CHN2: variants seen among roughly 807,000 people sequenced by gnomAD.
CHN2 encodes the protein chimerin 2, also known as beta-chimaerin.
A neutral mutation model predicts 56.3 loss-of-function variants in CHN2; 35 were observed. The observed-to-expected ratio is 0.62, with a 90% CI of 0.47 to 0.82. The LOEUF is 0.82. Among genes scored for constraint, CHN2 ranks in the 40% least tolerant of loss-of-function variants. The pLI is 0.00. For missense variants in CHN2, 491 were observed against 580.5 expected, an observed-to-expected ratio of 0.85 and a Z score of 1.58; for synonymous variants, 210 against 212.8, an observed-to-expected ratio of 0.99 and a Z score of 0.12.
intron 6 of CHN2, among the ~76,000 whole-genome samples, chr7:29,439,283 CT>C (rs2128122278): frequency 6.6e-6 from 1 of 152,290 alleles, no homozygotes; most frequent in South Asian, 2.1e-4. Context: ...GGGACTTAAT[CT>C]TTTTCAGCCT....
chr7:29,386,186 A>G (rs1412019611), intron 3 of CHN2, among the ~76,000 whole-genome samples: 1 of 152,232 alleles, frequency 6.6e-6, no homozygotes, highest in Non-Finnish European at 1.5e-5. Flanking sequence ...TATGCTCTGC[A>G]CTTTGACTAC....
intron 5 of CHN2, 103 bp from the exon 6 acceptor site, chr7:29,400,440 C>A: frequency 6.0e-6 from 7 of 1,158,328 alleles, no homozygotes; most frequent in Non-Finnish European, 8.8e-6. Flanking sequence ...AGCCCTGTGC[C>A]TGGGATACAC....
At chr7:29,156,707 C>A (rs774949558) in intron 2 of CHN2, among the ~76,000 whole-genome samples, 1 of 152,062 alleles carries the variant, frequency 6.6e-6, no homozygotes, top group Non-Finnish European at 1.5e-5. Flanking sequence ...AGTATGAAAG[C>A]GACTATGTAT....
At chr7:29,351,780 C>T (rs942114372) in intron 1 of CHN2, among the ~76,000 whole-genome samples, 1 of 152,210 alleles carries the variant, frequency 6.6e-6, no homozygotes, top group East Asian at 1.9e-4. Flanking sequence ...GTCAGAGAGG[C>T]GGGCAGGCTC....
chr7:29,322,427 C>A lies in CHN2; in HGVS notation c.50-32198C>A, dbSNP rs3793291. Among the ~76,000 whole-genome samples, 6 of 152,202 alleles carry A rather than the reference C, an allele frequency of 3.9e-5. No individual in the cohort carries two copies. The East Asian group carries it at 1.2e-3, about 29-fold the overall frequency. ...TGATGGAACAGCCTTTGCCAAATCT[C>A]CCCAAGCTTCTCCAGCTACAAAATG... On this transcript the variant is annotated intron_variant, in intron 1 of 12. Coordinates refer to ENST00000222792, the MANE Select transcript of CHN2 (RefSeq NM_004067.4).
intron 6 of CHN2, chr7:29,401,109 A>G (rs1379660348): frequency 2.9e-6 from 1 of 341,486 alleles, no homozygotes; most frequent in African/African-American, 2.1e-5. Context: ...TCTACAAAAA[A>G]TACAAAAAAT....
chr7:29,456,301 C>A (rs918058736), intron 6 of CHN2, among the ~76,000 whole-genome samples: 2 of 152,166 alleles, frequency 1.3e-5, no homozygotes, highest in Admixed American at 6.5e-5. Context: ...ATTATTTGTT[C>A]AGATGTCTAT....
intron 1 of CHN2, among the ~76,000 whole-genome samples, chr7:29,313,106 T>C (rs1303884396): frequency 6.6e-6 from 1 of 152,184 alleles, no homozygotes; most frequent in Non-Finnish European, 1.5e-5. Flanking sequence ...TCAGTATTCC[T>C]CTATCCCTGT....
At position 29,400,836 on chromosome 7, in the gene CHN2, G is replaced by A. The variant is rs753099741; in HGVS notation, c.576+8G>A. 11 of 1,610,888 alleles carry A rather than the reference G, an allele frequency of 6.8e-6. No homozygotes were observed. In the Admixed American group the frequency reaches 1.0e-4, roughly 15 times the overall value. On this transcript the variant is annotated splice_region_variant and intron_variant, in intron 6 of 12. Transcript: ENST00000222792. ...CACACAGCGGTGGAAAAGGTGAGCT[G>A]TGTGTGATGGAAGCAGCCTTTCGTT...
intron 1 of CHN2, among the ~76,000 whole-genome samples, chr7:29,277,433 C>T (rs1791324811): frequency 6.6e-6 from 1 of 152,154 alleles, no homozygotes; most frequent in Non-Finnish European, 1.5e-5. Context: ...ATCTGCAAAG[C>T]AGGAATCAGG....
intron 6 of CHN2, among the ~76,000 whole-genome samples, chr7:29,418,023 A>G (rs185733565): frequency 1.3e-5 from 2 of 152,328 alleles, no homozygotes; most frequent in Admixed American, 1.3e-4. Flanking sequence ...CAGGTAACTC[A>G]GGTGCCAGAA....
chr7:29,323,155 C>A (rs947712836), intron 1 of CHN2, among the ~76,000 whole-genome samples: 4 of 151,040 alleles, frequency 2.6e-5, no homozygotes, highest in Non-Finnish European at 4.4e-5. Flanking sequence ...ATCCGTCCCC[C>A]CCGTTCCCCC....
chr7:29,283,162 A>G (rs1473644756), intron 1 of CHN2, among the ~76,000 whole-genome samples: 1 of 152,188 alleles, frequency 6.6e-6, no homozygotes, highest in African/African-American at 2.4e-5. Context: ...GTATTCCTGC[A>G]TAACAGTACC....
rs370993979 is a variant in CHN2 at position 29,418,082 on chromosome 7, C to T, written c.576+17254C>T. 4.6e-5 allele frequency among the ~76,000 whole-genome samples: 7 copies of T among 152,304 alleles called. 1 individual carries two copies. The South Asian group carries it at 8.3e-4, about 18-fold the overall frequency. ...GTGGAGAGATGAAGGATTGCTGGAG[C>T]GCCTTGTTGGTTTTGAACGGTGCTA... On this transcript the variant is annotated intron_variant, in intron 6 of 12. Transcript: ENST00000222792.
At chr7:29,234,372 T>A (rs1235639822) in intron 1 of CHN2, among the ~76,000 whole-genome samples, 1 of 152,236 alleles carries the variant, frequency 6.6e-6, no homozygotes, top group Non-Finnish European at 1.5e-5. Flanking sequence ...AGCAGCAGAT[T>A]CTAAACCTTC....
At chr7:29,461,668 A>C (rs1170432566) in intron 6 of CHN2, among the ~76,000 whole-genome samples, 1 of 152,252 alleles carries the variant, frequency 6.6e-6, no homozygotes, top group Non-Finnish European at 1.5e-5. Flanking sequence ...CACTTCTTCT[A>C]GTCTATGAAC....
rs148158488 is a variant in CHN2, at chr7:29,291,053, G to A, written c.50-63572G>A. ...GGGTTGTTTGCATGCACAGTGTCCC[G>A]CCAGCACTTGGGAGGGGCCACAGGT... is the stretch of plus-strand genomic sequence containing the variant. On this transcript the variant is annotated intron_variant, in intron 1 of 12. Transcript: ENST00000222792. Among the ~76,000 whole-genome samples the A allele has an allele frequency of 5.1e-3, 782 of 152,176 alleles. 9 individuals are homozygous for A. Among genetic ancestry groups the A allele is most frequent in the African/African-American group, 0.017 (720 of 41,500 alleles).
intron 5 of CHN2, 50 bp from the exon 6 acceptor site, chr7:29,400,493 A>G: frequency 1.3e-6 from 2 of 1,570,458 alleles, no homozygotes; most frequent in South Asian, 2.3e-5. Context: ...ATCATTCCAC[A>G]CTGTGCTTAT....
At chr7:29,332,248 G>A (rs1333334677) in intron 1 of CHN2, among the ~76,000 whole-genome samples, 1 of 152,108 alleles carries the variant, frequency 6.6e-6, no homozygotes, top group Non-Finnish European at 1.5e-5. Context: ...CTGAAGCTCT[G>A]TTTGCTCTCT....
Sources: allele counts gnomAD v4.1 joint callset (sites outside exome capture counted in the v4.1 genomes callset), GRCh38; gene constraint gnomAD v4.1.1; transcripts MANE v1.5; gene names NCBI Gene and HGNC (gene_info 2026-07-23, HGNC 2026-07-21).